The following HRH1 variants were observed in gnomAD, a reference collection of about 807,000 sequenced individuals.
HRH1 encodes the protein histamine H1 receptor.
A neutral mutation model predicts 10.3 loss-of-function variants in HRH1; 6 were observed. That is an observed-to-expected ratio of 0.58 (90% CI 0.32 to 1.15). HRH1 has a LOEUF of 1.15. Ranked by LOEUF, HRH1 falls within the 50% of genes most tolerant of loss-of-function variation. The pLI is 0.05. For synonymous variants in HRH1, 242 were observed against 236.7 expected (o/e 1.02, Z -0.21); for missense variants, 514 against 615.3 (o/e 0.84, Z 1.74).
chr3:11,170,150 G>A (rs966417577), intron 1 of HRH1, among the ~76,000 whole-genome samples: 4 of 152,346 alleles, frequency 2.6e-5, no homozygotes, highest in Middle Eastern at 3.4e-3. Context: ...CTGAGTCTCA[G>A]TGTTATGATC....
chr3:11,150,880 G>A (rs1936598000), upstream of HRH1, among the ~76,000 whole-genome samples: 1 of 152,246 alleles, frequency 6.6e-6, no homozygotes, highest in Admixed American at 6.5e-5. Flanking sequence ...ATCTACCAGA[G>A]CCAAGCACTG....
chr3:11,229,982 G>C (rs1412791069), intron 1 of HRH1, among the ~76,000 whole-genome samples: 2 of 152,210 alleles, frequency 1.3e-5, no homozygotes, highest in Non-Finnish European at 2.9e-5. Flanking sequence ...GGGGACTAGA[G>C]GGGGTGAGAT....
chr3:11,254,315 C>T (rs1255440161), intron 1 of HRH1, among the ~76,000 whole-genome samples: 1 of 152,088 alleles, frequency 6.6e-6, no homozygotes, highest in Non-Finnish European at 1.5e-5. Context: ...ATTTTCAAGT[C>T]CCTCTTAGCA....
chr3:11,221,085 A>G (rs1383895298), intron 1 of HRH1, among the ~76,000 whole-genome samples: 1 of 152,218 alleles, frequency 6.6e-6, no homozygotes, highest in Non-Finnish European at 1.5e-5. Context: ...TAACAACTCA[A>G]TCAATGCTGT....
intron 1 of HRH1, among the ~76,000 whole-genome samples, chr3:11,210,227 C>T (rs545809186): frequency 5.9e-5 from 9 of 151,990 alleles, no homozygotes; most frequent in African/African-American, 1.7e-4. Flanking sequence ...CCTGTCTCTA[C>T]CAAAAAAGAT....
intron 1 of HRH1, among the ~76,000 whole-genome samples, chr3:11,247,169 A>T (rs1181438193): frequency 6.6e-6 from 1 of 152,022 alleles, no homozygotes; most frequent in Admixed American, 6.5e-5. Flanking sequence ...CTAAAAATAC[A>T]AAATTGGCCA....
At chr3:11,175,256 A>T (rs1366476451) in intron 1 of HRH1, among the ~76,000 whole-genome samples, 1 of 152,260 alleles carries the variant, frequency 6.6e-6, no homozygotes, top group African/African-American at 2.4e-5. Context: ...CATTTTGCAG[A>T]TGAGGAAGTT....
At chr3:11,151,488 A>T (rs1936620908), upstream of HRH1, among the ~76,000 whole-genome samples, 1 of 141,590 alleles carries the variant, frequency 7.1e-6, no homozygotes, top group African/African-American at 3.0e-5. Context: ...CATCATGAAA[A>T]TTCCTTTTTT....
intron 1 of HRH1, among the ~76,000 whole-genome samples, chr3:11,211,981 G>C (rs905670003): frequency 2.6e-5 from 4 of 152,024 alleles, no homozygotes; most frequent in Non-Finnish European, 4.4e-5. Context: ...GCATTTTAAC[G>C]TACGCACTCC....
intron 1 of HRH1, among the ~76,000 whole-genome samples, chr3:11,202,662 T>G (rs1013772077): frequency 1.3e-5 from 2 of 152,148 alleles, no homozygotes; most frequent in African/African-American, 4.8e-5. Flanking sequence ...TATAGAGATT[T>G]ACATGTACCC....
At chr3:11,169,400 A>G (rs1032499223) in intron 1 of HRH1, among the ~76,000 whole-genome samples, 8 of 152,240 alleles carry the variant, frequency 5.3e-5, no homozygotes, top group Admixed American at 1.3e-4. Context: ...GGAAACGAAG[A>G]GATGGGGGAA....
chr3:11,212,894 ACTC>A (rs1938373902), intron 1 of HRH1, among the ~76,000 whole-genome samples: 1 of 150,982 alleles, frequency 6.6e-6, no homozygotes, highest in Non-Finnish European at 1.5e-5. Context: ...GCCACACTAA[ACTC>A]CTCGCTGCCT....
At chr3:11,223,001 A>C (rs1938758474) in intron 1 of HRH1, among the ~76,000 whole-genome samples, 1 of 152,004 alleles carries the variant, frequency 6.6e-6, no homozygotes, top group African/African-American at 2.4e-5. Flanking sequence ...CCTGGCCAAC[A>C]TGGTGAAACC....
intron 1 of HRH1, among the ~76,000 whole-genome samples, chr3:11,173,251 G>C (rs905706517): frequency 6.6e-6 from 1 of 151,922 alleles, no homozygotes; most frequent in Admixed American, 6.6e-5. Flanking sequence ...CATTTTTCTT[G>C]TCTGTAAAAT....
intron 1 of HRH1, among the ~76,000 whole-genome samples, chr3:11,179,157 G>A (rs113314655): frequency 0.019 from 2,950 of 152,012 alleles, 100 homozygotes; most frequent in African/African-American, 0.066. Context: ...GCGTGGTGGC[G>A]CACGCCTATA....
At chr3:11,168,846 C>G (rs551922447) in intron 1 of HRH1, among the ~76,000 whole-genome samples, 2 of 152,358 alleles carry the variant, frequency 1.3e-5, no homozygotes, top group East Asian at 3.9e-4. Flanking sequence ...GGAGTGATGT[C>G]TCTCTGGTTG....
At chr3:11,143,403 G>C (rs904529928) in intron 1 of HRH1, among the ~76,000 whole-genome samples, 1 of 152,316 alleles carries the variant, frequency 6.6e-6, no homozygotes, top group South Asian at 2.1e-4. Flanking sequence ...TTACCACGCT[G>C]TATTACTGGG....
chr3:11,257,627 G>A (rs368283558), intron 1 of HRH1, among the ~76,000 whole-genome samples: 3 of 151,706 alleles, frequency 2.0e-5, no homozygotes, highest in South Asian at 4.2e-4. Flanking sequence ...CCAACCACCC[G>A]ACTTGAGTAT....
intron 1 of HRH1, among the ~76,000 whole-genome samples, chr3:11,137,962 A>C (rs558010730): frequency 6.6e-6 from 1 of 152,194 alleles, no homozygotes; most frequent in South Asian, 2.1e-4. Context: ...ATGGGAGAAA[A>C]TATTTGCAAC....
Sources: gnomAD v4.1 joint callset for allele counts (sites outside exome capture counted in the v4.1 genomes callset) on GRCh38, gnomAD v4.1.1 for gene constraint, MANE v1.5 for transcripts, NCBI Gene and HGNC (gene_info 2026-07-23, HGNC 2026-07-21) for gene names.